The following CNNM3 variants were observed in gnomAD, a reference collection of about 807,000 sequenced individuals.
CNNM3 encodes the protein cyclin and CBS domain divalent metal cation transport mediator 3, also known as metal transporter CNNM3.
In CNNM3, 47 loss-of-function variants were observed where a neutral mutation model predicts 57.1. The observed-to-expected ratio is 0.82, with a 90% CI of 0.65 to 1.05. The LOEUF (loss-of-function observed/expected upper bound fraction) is 1.05, where lower values mean the gene tolerates loss of function less well. CNNM3 is among the 50% of genes least tolerant of loss of function. The pLI, the probability that CNNM3 is intolerant of heterozygous loss-of-function variation, is 0.00. For synonymous variants in CNNM3, 507 were observed against 478.2 expected (o/e 1.06, Z -0.79); for missense variants, 957 against 973.7 (o/e 0.98, Z 0.23).
At chr2:96,820,428 T>C (rs1324135048) in intron 1 of CNNM3, among the ~76,000 whole-genome samples, 1 of 151,958 alleles carries the variant, frequency 6.6e-6, no homozygotes, top group African/African-American at 2.4e-5. Flanking sequence ...GAAATGCAAG[T>C]GGGAGGCAGA....
chr2:96,818,439 C>T (rs930376199), intron 1 of CNNM3, among the ~76,000 whole-genome samples: 2 of 144,492 alleles, frequency 1.4e-5, no homozygotes, highest in Non-Finnish European at 3.0e-5. Context: ...TATGTAGAGA[C>T]AGGGTCTCAC....
intron 1 of CNNM3, among the ~76,000 whole-genome samples, chr2:96,822,123 C>T (rs2079417641): frequency 6.6e-6 from 1 of 151,946 alleles, no homozygotes; most frequent in African/African-American, 2.4e-5. Context: ...CTGCCTCAGC[C>T]TCCTGAGTAG....
chr2:96,828,795 T>C (rs552078704), intron 6 of CNNM3, 95 bp downstream of exon 6: 2 of 1,546,010 alleles, frequency 1.3e-6, no homozygotes, highest in South Asian at 2.3e-5. Flanking sequence ...GAACAAGGCC[T>C]TCCACTCATC....
chr2:96,820,925 C>T (rs539581368), intron 1 of CNNM3, among the ~76,000 whole-genome samples: 10 of 152,298 alleles, frequency 6.6e-5, no homozygotes, highest in African/African-American at 2.2e-4. Context: ...CCGGGCTGCT[C>T]CTGTTCTGGG....
chr2:96,830,872 A>G (rs1005826736), intron 7 of CNNM3, among the ~76,000 whole-genome samples: 2 of 152,126 alleles, frequency 1.3e-5, no homozygotes, highest in Admixed American at 6.6e-5. Flanking sequence ...TTCTTATTGT[A>G]TGGGGTGCCC....
intron 1 of CNNM3, among the ~76,000 whole-genome samples, chr2:96,822,673 A>G (rs1574103846): frequency 6.6e-6 from 1 of 152,336 alleles, no homozygotes; most frequent in Middle Eastern, 3.4e-3. Flanking sequence ...GATGATTGCC[A>G]TGATGCGGAA....
At chr2:96,823,339 T>C (rs2079439292) in intron 1 of CNNM3, among the ~76,000 whole-genome samples, 1 of 152,150 alleles carries the variant, frequency 6.6e-6, no homozygotes, top group Non-Finnish European at 1.5e-5. Flanking sequence ...AGGTGGCCAT[T>C]TAGATCCTGG....
intron 5 of CNNM3, 110 bp downstream of exon 5, chr2:96,828,305 C>G: frequency 1.1e-6 from 1 of 936,780 alleles, no homozygotes; most frequent in African/African-American, 1.6e-5. Context: ...TCCACCTGAG[C>G]CCACCACCCC....
At position 96,817,274 on chromosome 2, in the gene CNNM3, C is replaced by T. The variant is rs1438180242; in HGVS notation, c.997C>T (p.Leu333=). The T allele has an allele frequency of 1.9e-6, 3 of 1,612,862 alleles. No individual in the cohort carries two copies. The highest frequency in any genetic ancestry group is 1.7e-6 in the Non-Finnish European group (2 of 1,180,032). Reference sequence around the variant, plus strand: ...CTTCATGCTGGACGCCAGCACCGTGCTGGACTTCGGCGTCCTGGCCAGCAT... The same window carrying T: ...CTTCATGCTGGACGCCAGCACCGTGTTGGACTTCGGCGTCCTGGCCAGCAT... ...DCFMLDASTV[L]DFGVLASIMQ... Residue 333 remains leucine (L), a synonymous_variant, in exon 1 of 8, where the codon CTG becomes TTG. Coordinates refer to ENST00000305510, the MANE Select transcript of CNNM3 (RefSeq NM_017623.5).
At chr2:96,824,525 A>C (rs1251479990) in intron 1 of CNNM3, 2 of 156,082 alleles carry the variant, frequency 1.3e-5, no homozygotes, top group Non-Finnish European at 2.8e-5. Flanking sequence ...AGCCATGCAC[A>C]TTTATGTAGG....
chr2:96,826,326 C>T (rs2079504059), intron 2 of CNNM3, among the ~76,000 whole-genome samples: 1 of 152,162 alleles, frequency 6.6e-6, no homozygotes, highest in South Asian at 2.1e-4. Flanking sequence ...GTTCCTCCCA[C>T]CTCAGCCTCC....
rs1392059851 is a variant in CNNM3 at position 96,833,652 on chromosome 2, C to T, written c.*1036C>T. ...GAAGTGGGAACAGGAAGGCATTTGTCTTTTTCTTCTAGTTTACTACATTTT... is the reference window on the plus strand; with the variant it reads ...GAAGTGGGAACAGGAAGGCATTTGTTTTTTTCTTCTAGTTTACTACATTTT... On this transcript the variant is annotated 3_prime_UTR_variant, in exon 8 of 8. Transcript: ENST00000305510. 1 of 152,064 alleles carries T rather than the reference C, an allele frequency of 6.6e-6. No homozygotes were observed. Among genetic ancestry groups the T allele is most frequent in the Non-Finnish European group, 1.5e-5 (1 of 68,034 alleles). The allele number at this position is 152,064 out of a possible 1,614,324, so 9.4% of individuals were successfully genotyped here.
chr2:96,836,015 T>C (rs544520814), downstream of CNNM3, among the ~76,000 whole-genome samples: 111 of 152,218 alleles, frequency 7.3e-4, no homozygotes, highest in African/African-American at 2.5e-3. Flanking sequence ...TGAGAGTTCT[T>C]TGAGATTCCT....
At position 96,822,375 on chromosome 2, in the gene CNNM3, C is replaced by G. The variant is rs183820678; in HGVS notation, c.1226-2683C>G. On this transcript the variant is annotated intron_variant, in intron 1 of 7. Coordinates refer to ENST00000305510, the MANE Select transcript of CNNM3 (RefSeq NM_017623.5). ...CTGGGTTGGAGTGCAGTGATGTGATCGTGGCTCACTGTAGCCTCTACCTCC... is the reference window on the plus strand; with the variant it reads ...CTGGGTTGGAGTGCAGTGATGTGATGGTGGCTCACTGTAGCCTCTACCTCC... Among the ~76,000 whole-genome samples, 3 of 152,108 alleles carry G rather than the reference C, an allele frequency of 2.0e-5. No homozygotes were observed. The East Asian group carries it at 5.8e-4, about 29-fold the overall frequency.
rs779642440 is a variant in CNNM3 at position 96,828,686 on chromosome 2, C to T, written c.1906C>T (p.Leu636=). ...PDYTVRALSD[L]QLIKVTRLQY... ...CTACACCGTGAGGGCGCTCTCTGAT[C>T]TGCAGCTCATCAAGGTGACTGCCTG... Residue 636 remains leucine (L), a synonymous_variant, in exon 6 of 8, where the codon CTG becomes TTG. Coordinates refer to ENST00000305510, the MANE Select transcript of CNNM3 (RefSeq NM_017623.5). 6.2e-7 allele frequency: 1 copy of T among 1,614,172 alleles called. No individual in the cohort carries two copies. The highest frequency in any genetic ancestry group is 2.2e-5 in the East Asian group (1 of 44,864).
chr2:96,816,584 T>TTGCGCC lies in CNNM3; in HGVS notation c.312_317dup (p.Leu105_Arg106dup). 1 of 1,266,048 alleles carries TTGCGCC rather than the reference T, an allele frequency of 7.9e-7. No homozygotes were observed. The highest frequency in any genetic ancestry group is 9.9e-7 in the Non-Finnish European group (1 of 1,008,738). The allele number at this position is 1,266,048 out of a possible 1,614,324, so 78.4% of individuals were successfully genotyped here. On this transcript the variant is annotated inframe_insertion, in exon 1 of 8. Transcript: ENST00000305510. ...GGGCGAGTGGCGCGCGCTGCTGCGC[T>TTGCGCC]TGCGCCTGCGGGCCGAGGCCGTGCG...
At chr2:96,835,580 T>C (rs1280078934), downstream of CNNM3, among the ~76,000 whole-genome samples, 2 of 151,872 alleles carry the variant, frequency 1.3e-5, no homozygotes, top group African/African-American at 2.4e-5. Context: ...GCCATTCTCC[T>C]GCCTCAGCCT....
rs1414774803 is a variant in CNNM3 at position 96,829,080 on chromosome 2, G to T, written c.2005G>T (p.Val669Phe). 1 of 1,613,972 alleles carries T rather than the reference G, an allele frequency of 6.2e-7. No homozygotes were observed. The highest frequency in any genetic ancestry group is 1.7e-5 in the Admixed American group (1 of 59,990). The part of the protein sequence containing the change: ...PQSPENTDLQ[V>F]IPGSQTRLLG... ...GTCCCCTGAGAACACCGACCTGCAG[G>T]TTATTCCAGGCAGCCAGACCAGGCT... The change falls in exon 7 of 8, where the codon GTT becomes TTT. Residue 669 changes from valine (V) to phenylalanine (F), a missense_variant. This residue lies in a region of CNNM3 where 491 missense variants were observed against 570.6 expected (regional missense o/e 0.86). Transcript: ENST00000305510.
In CNNM3 at chr2:96,816,748, CGCGCTG is replaced by C. The variant is rs1216282342; in HGVS notation, c.482_487del (p.Leu161_Ala162del). 3.9e-6 allele frequency: 4 copies of C among 1,015,714 alleles called. No homozygotes were observed. Among genetic ancestry groups the C allele is most frequent in the Non-Finnish European group, 4.7e-6 (4 of 851,966 alleles). 62.9% of individuals were successfully genotyped at this position (1,015,714 alleles called of 1,614,324 possible). On this transcript the variant is annotated inframe_deletion, in exon 1 of 8. Transcript: ENST00000305510. ...CGCTGGCGCGAGGCCTGCAGCTGAG[CGCGCTG>C]GCGCTGGCGCCTGCCGAGGTGCAGG... is the stretch of plus-strand genomic sequence containing the variant.
Sources: gnomAD v4.1 joint callset for allele counts (sites outside exome capture counted in the v4.1 genomes callset) on GRCh38, gnomAD v4.1.1 for gene constraint, gnomAD v4.1.1 regional missense constraint, MANE v1.5 for transcripts, NCBI Gene and HGNC (gene_info 2026-07-23, HGNC 2026-07-21) for gene names.